Variants in PTPN3 observed in about 807,000 individuals in gnomAD.
PTPN3 encodes protein tyrosine phosphatase non-receptor type 3.
PTPN3 carries 96 observed loss-of-function variants against 132.7 expected under a neutral mutation model. That is an observed-to-expected ratio of 0.72 (90% CI 0.61 to 0.86). The LOEUF (loss-of-function observed/expected upper bound fraction) is 0.86. PTPN3 is among the 40% of genes least tolerant of loss of function. The pLI, the probability that PTPN3 is intolerant of heterozygous loss-of-function variation, is 0.00. For missense variants in PTPN3, 1,125 were observed against 1,159.6 expected (o/e 0.97, Z 0.43); for synonymous variants, 398 against 429.0 (o/e 0.93, Z 0.89).
chr9:109,529,665 A>G, the PTPN3 span, among the ~76,000 whole-genome samples: 1 of 152,316 alleles, frequency 6.6e-6, no homozygotes, highest in African/African-American at 2.4e-5. Context: ...AAATACACGT[A>G]ATATAAAGTT....
chr9:109,512,727 A>G, the PTPN3 span, among the ~76,000 whole-genome samples: 3 of 152,238 alleles, frequency 2.0e-5, no homozygotes, highest in African/African-American at 7.2e-5. Context: ...TTTAGGAGGT[A>G]CCTTGTTCCT....
rs7859962 is a variant in PTPN3, at chr9:109,404,586, G to T, written c.1815C>A (p.Phe605Leu). 4.4e-5 allele frequency: 68 copies of T among 1,548,212 alleles called. No individual in the cohort carries two copies. The highest frequency in any genetic ancestry group is 5.5e-5 in the Non-Finnish European group (63 of 1,136,546). The change falls in exon 19 of 26, where the codon TTC (phenylalanine) becomes TTA (leucine). Residue 605 changes from phenylalanine (F) to leucine (L), a missense_variant. Transcript: ENST00000374541. ...RRRAVRSFAD[F>L]KSEDELNQLF... ...GCTGGTTCAGTTCATCTTCAGACTT[G>T]AAGTCAGCAAATGAGCGGACAGCTG...
intron 3 of PTPN3, 28 bp downstream of exon 3, chr9:109,457,264 C>T: frequency 1.2e-6 from 2 of 1,612,404 alleles, no homozygotes; most frequent in Non-Finnish European, 1.7e-6. Context: ...TGAAGGAGTT[C>T]AGCACATTTT....
At chr9:109,443,753 A>G (rs1844656309) in intron 7 of PTPN3, among the ~76,000 whole-genome samples, 1 of 148,922 alleles carries the variant, frequency 6.7e-6, no homozygotes, top group Non-Finnish European at 1.5e-5. Context: ...GGTATATTGT[A>G]GGGAGAAGGG....
chr9:109,410,325 G>A lies in PTPN3; in HGVS notation c.1404C>T (p.Cys468=), dbSNP rs751488814. ...VSPSSNAPGS[C]SPDGVDQQLL... is the part of the protein sequence containing the mutation. Reference sequence around the variant, plus strand: ...GCTGCTGATCAACGCCGTCAGGTGAGCAGGAGCCTGGAGCATTTGAAGATG... The same window carrying A: ...GCTGCTGATCAACGCCGTCAGGTGAACAGGAGCCTGGAGCATTTGAAGATG... Residue 468 remains cysteine, a synonymous_variant, in exon 15 of 26, where the codon TGC becomes TGT. Transcript: ENST00000374541. The A allele has an allele frequency of 2.6e-5, 42 of 1,614,094 alleles. No individual in the cohort carries two copies. The highest frequency in any genetic ancestry group is 1.6e-4 in the Middle Eastern group (1 of 6,084).
intron 14 of PTPN3, among the ~76,000 whole-genome samples, chr9:109,414,992 T>A (rs1842358240): frequency 6.6e-6 from 1 of 152,040 alleles, no homozygotes; most frequent in South Asian, 2.1e-4. Context: ...AGTTTGTATC[T>A]CGGGGCCCCA....
chr9:109,534,233 C>T, the PTPN3 span: 4 of 1,454,298 alleles, frequency 2.8e-6, no homozygotes, highest in South Asian at 1.2e-5. Context: ...TTTCCTGTGC[C>T]GCTGCCCGTA....
In PTPN3 at chr9:109,438,104, C is replaced by T; in HGVS notation, c.587+10G>A. ...AAGTCCCCAAAGTAGGCCACCCCAG[C>T]CCCCCTCACCTGTGCTGCTCATGCA... On this transcript the variant is annotated intron_variant, in intron 8 of 25. Transcript: ENST00000374541. 15 of 1,609,366 alleles carry T rather than the reference C, an allele frequency of 9.3e-6. No homozygotes were observed. The highest frequency in any genetic ancestry group is 1.2e-5 in the Non-Finnish European group (14 of 1,178,090).
chr9:109,480,031 G>C (rs1846885804), intron 1 of PTPN3, among the ~76,000 whole-genome samples: 1 of 152,212 alleles, frequency 6.6e-6, no homozygotes, highest in Admixed American at 6.5e-5. Context: ...TAGGTGTGCA[G>C]TGGTGTCTCA....
intron 5 of PTPN3, among the ~76,000 whole-genome samples, chr9:109,452,266 CAA>C (rs1158259516): frequency 5.6e-5 from 4 of 71,648 alleles, no homozygotes; most frequent in Non-Finnish European, 8.1e-5. Context: ...AGCTCCGTCT[CAA>C]AAAAAAAAAA....
chr9:109,518,400 A>T, the PTPN3 span, among the ~76,000 whole-genome samples: 1 of 152,166 alleles, frequency 6.6e-6, no homozygotes, highest in Admixed American at 6.5e-5. Context: ...GGTGGAGTAG[A>T]GGCTGAGATT....
chr9:109,463,284 G>C lies in PTPN3; in HGVS notation c.138+13C>G, dbSNP rs763196722. The C allele has an allele frequency of 2.6e-6, 4 of 1,532,208 alleles. No individual in the cohort carries two copies. The highest frequency in any genetic ancestry group is 1.3e-5 in the South Asian group (1 of 78,330). 94.9% of individuals were successfully genotyped at this position (1,532,208 alleles called of 1,614,324 possible). On this transcript the variant is annotated intron_variant, in intron 2 of 25. Transcript: ENST00000374541. The stretch of plus-strand genomic sequence containing the variant: ...AATTCAGGAAAAGTAAAAAAAAAAA[G>C]TAGAGAACTTACAGTAACTTTAAAG...
intron 1 of PTPN3, among the ~76,000 whole-genome samples, 200 bp from the exon 2 acceptor site, chr9:109,463,651 T>C (rs1284908217): frequency 1.3e-5 from 2 of 152,234 alleles, no homozygotes; most frequent in African/African-American, 4.8e-5. Context: ...AATTGTACGT[T>C]CACAGAATTA....
At chr9:109,447,443 G>A (rs1844938300) in intron 6 of PTPN3, among the ~76,000 whole-genome samples, 1 of 152,060 alleles carries the variant, frequency 6.6e-6, no homozygotes, top group African/African-American at 2.4e-5. Flanking sequence ...CCTCATGAAA[G>A]GGTGAGCTCC....
chr9:109,493,371 C>A (rs1847543426), intron 1 of PTPN3, among the ~76,000 whole-genome samples: 1 of 152,176 alleles, frequency 6.6e-6, no homozygotes, highest in Non-Finnish European at 1.5e-5. Context: ...TAAAATGGGG[C>A]TGGAAGGAAT....
chr9:109,410,141 T>A (rs1461289299), intron 15 of PTPN3, 65 bp from the exon 16 acceptor site: 3 of 1,613,348 alleles, frequency 1.9e-6, no homozygotes, highest in Non-Finnish European at 2.5e-6. Context: ...TGATAAGATA[T>A]TTTCATTTAG....
the PTPN3 span, among the ~76,000 whole-genome samples, chr9:109,513,428 C>A: frequency 1.3e-5 from 2 of 152,176 alleles, no homozygotes. Flanking sequence ...GCCCCTGTTA[C>A]GAGCTCCCCT....
intron 1 of PTPN3, among the ~76,000 whole-genome samples, chr9:109,466,561 AGT>A (rs1472609783): frequency 6.6e-6 from 1 of 152,230 alleles, no homozygotes; most frequent in African/African-American, 2.4e-5. Context: ...CTCACACTGC[AGT>A]GTGCATACAG....
chr9:109,458,037 C>G (rs938238293), intron 2 of PTPN3, among the ~76,000 whole-genome samples: 2 of 152,210 alleles, frequency 1.3e-5, no homozygotes, highest in African/African-American at 4.8e-5. Flanking sequence ...TTGCCTTCCC[C>G]GCTCCATGTT....
Sources: allele counts gnomAD v4.1 joint callset (sites outside exome capture counted in the v4.1 genomes callset), GRCh38; gene constraint gnomAD v4.1.1; transcripts MANE v1.5; gene names NCBI Gene and HGNC (gene_info 2026-07-23, HGNC 2026-07-21).